Variants in TNRC6A observed in about 807,000 individuals in gnomAD.
TNRC6A encodes the protein trinucleotide repeat-containing gene 6A protein.
A neutral mutation model predicts 221.2 loss-of-function variants in TNRC6A; 44 were observed. That is an observed-to-expected ratio of 0.20 (90% CI 0.16 to 0.26). The LOEUF (loss-of-function observed/expected upper bound fraction) is 0.26, where lower values mean the gene tolerates loss of function less well. Among genes scored for constraint, TNRC6A ranks in the 10% least tolerant of loss-of-function variants. TNRC6A has a pLI of 1.00. For missense variants in TNRC6A, 2,199 were observed against 2,404.4 expected (o/e 0.91, Z 1.79); for synonymous variants, 847 against 838.5 (o/e 1.01, Z -0.18).
chr16:24,750,777 AGAC>A lies in TNRC6A; in HGVS notation c.109_111del (p.Asp37del), dbSNP rs749745776. The A allele has an allele frequency of 1.7e-5, 27 of 1,569,420 alleles. No homozygotes were observed. The highest frequency in any genetic ancestry group is 3.4e-4 in the Middle Eastern group (2 of 5,908). ...TGATGGAAGAAAAGAAAAAGAAAAAAGACGACAAGAAAAAGAAGGAAGCTGCTC... is the reference window on the plus strand; with the variant it reads ...TGATGGAAGAAAAGAAAAAGAAAAAAGACAAGAAAAAGAAGGAAGCTGCTC... On this transcript the variant is annotated inframe_deletion, in exon 3 of 25. Coordinates refer to ENST00000395799, the MANE Select transcript of TNRC6A (RefSeq NM_014494.4).
At position 24,741,177 on chromosome 16, in the gene TNRC6A, C is replaced by T. The variant is rs868844086; in HGVS notation, c.54-9549C>T. 2.0e-5 allele frequency among the ~76,000 whole-genome samples: 3 copies of T among 152,156 alleles called. No homozygotes were observed. In the South Asian group the frequency reaches 6.2e-4, roughly 32 times the overall value. ...ACTCTCTTTTTTCTGACTGGAACCT[C>T]GAGCTCAGTGTCGAATAGGAAGTGG... On this transcript the variant is annotated intron_variant, in intron 2 of 24. Coordinates refer to ENST00000395799, the MANE Select transcript of TNRC6A (RefSeq NM_014494.4).
chr16:24,671,054 G>A, intron 2 of TNRC6A: 1 of 363,896 alleles, frequency 2.7e-6, no homozygotes, highest in Non-Finnish European at 5.7e-6. Context: ...GCAACCCTCC[G>A]ACAGCACTGC....
At chr16:24,718,956 G>A (rs1421534936) in intron 2 of TNRC6A, among the ~76,000 whole-genome samples, 2 of 150,668 alleles carry the variant, frequency 1.3e-5, no homozygotes, top group Non-Finnish European at 2.9e-5. Flanking sequence ...AGAATTGCTT[G>A]AACCCAGGAG....
intron 2 of TNRC6A, among the ~76,000 whole-genome samples, chr16:24,714,299 A>G (rs1481226898): frequency 7.9e-6 from 1 of 126,006 alleles, no homozygotes; most frequent in African/African-American, 3.2e-5. Flanking sequence ...ATTTGCTGTT[A>G]ATCTTTTTTT....
Position 24,818,603 on chromosome 16 carries a change from A to C in TNRC6A, c.4983A>C (p.Ser1661=). The C allele has an allele frequency of 6.2e-7, 1 of 1,613,998 alleles. No individual in the cohort carries two copies. The highest frequency in any genetic ancestry group is 8.5e-7 in the Non-Finnish European group (1 of 1,179,974). Residue 1661 remains serine (S), a synonymous_variant, in exon 21 of 25, where the codon TCA becomes TCC. Coordinates refer to ENST00000395799, the MANE Select transcript of TNRC6A (RefSeq NM_014494.4). ...HLRDRNSGSS[S]SLNTTLPSTS... ...TCTTCCCCCACACAGGGTCATCCTC[A>C]TCCTTGAACACCACGCTGCCTTCAA...
chr16:24,797,055 G>T (rs2058234929), intron 9 of TNRC6A, among the ~76,000 whole-genome samples: 1 of 152,184 alleles, frequency 6.6e-6, no homozygotes, highest in African/African-American at 2.4e-5. Context: ...GATGCATATA[G>T]CATAATTAAA....
intron 1 of TNRC6A, among the ~76,000 whole-genome samples, chr16:24,615,954 A>T (rs1347921458): frequency 6.6e-6 from 1 of 150,822 alleles, no homozygotes; most frequent in African/African-American, 2.4e-5. Context: ...GCACTTCAGG[A>T]GGCCAAGACA....
intron 2 of TNRC6A, among the ~76,000 whole-genome samples, chr16:24,719,840 C>CAAAAA (rs59027857): frequency 9.7e-6 from 1 of 103,012 alleles, no homozygotes; most frequent in African/African-American, 3.4e-5. Context: ...GACCTTGTCT[C>CAAAAA]AAAAAAAAAA....
intron 2 of TNRC6A, among the ~76,000 whole-genome samples, chr16:24,713,445 C>A (rs957276467): frequency 2.1e-3 from 171 of 79,990 alleles, no homozygotes; most frequent in African/African-American, 6.9e-3. Context: ...AACAAACAAA[C>A]AAACAAAAAA....
At chr16:24,706,282 C>T (rs1358025078) in intron 2 of TNRC6A, among the ~76,000 whole-genome samples, 1 of 151,984 alleles carries the variant, frequency 6.6e-6, no homozygotes, top group Non-Finnish European at 1.5e-5. Context: ...GAAGTAGCCT[C>T]ATTGAGTCTA....
At chr16:24,806,987 ATT>A (rs1280675513) in intron 17 of TNRC6A, among the ~76,000 whole-genome samples, 1 of 146,872 alleles carries the variant, frequency 6.8e-6, no homozygotes, top group East Asian at 2.0e-4. Flanking sequence ...GAAAATCACG[ATT>A]TTTCTTTTCT....
chr16:24,794,014 C>T (rs1220864521), intron 7 of TNRC6A, among the ~76,000 whole-genome samples: 1 of 152,094 alleles, frequency 6.6e-6, no homozygotes, highest in East Asian at 1.9e-4. Flanking sequence ...TCAGATGATT[C>T]CCTGAAAGTT....
intron 17 of TNRC6A, among the ~76,000 whole-genome samples, chr16:24,807,784 A>G (rs1222164935): frequency 6.6e-6 from 1 of 151,260 alleles, no homozygotes; most frequent in Non-Finnish European, 1.5e-5. Flanking sequence ...TGCCCTGTTT[A>G]TTTTGCTTTT....
At chr16:24,634,604 G>A (rs1012845770) in intron 1 of TNRC6A, among the ~76,000 whole-genome samples, 6 of 152,214 alleles carry the variant, frequency 3.9e-5, no homozygotes, top group African/African-American at 9.6e-5. Context: ...TTCGGCCATC[G>A]TCTCTATATT....
chr16:24,654,758 C>T (rs1902871520), intron 2 of TNRC6A, among the ~76,000 whole-genome samples: 1 of 151,868 alleles, frequency 6.6e-6, no homozygotes, highest in Non-Finnish European at 1.5e-5. Context: ...AAAAAACACA[C>T]AACAACAGAA....
chr16:24,696,881 C>G (rs1489795831), intron 2 of TNRC6A, among the ~76,000 whole-genome samples: 1 of 151,956 alleles, frequency 6.6e-6, no homozygotes, highest in Non-Finnish European at 1.5e-5. Flanking sequence ...TTCTTTTTGC[C>G]TTGGTCATGG....
chr16:24,612,017 C>A (rs1315921471), intron 1 of TNRC6A, among the ~76,000 whole-genome samples: 1 of 152,084 alleles, frequency 6.6e-6, no homozygotes, highest in African/African-American at 2.4e-5. Context: ...TCGCTTGAGC[C>A]CAGGAGGCAG....
intron 1 of TNRC6A, among the ~76,000 whole-genome samples, chr16:24,635,738 C>A (rs967750514): frequency 6.6e-6 from 1 of 152,160 alleles, no homozygotes; most frequent in African/African-American, 2.4e-5. Context: ...TTGCATAATT[C>A]TCTGAGGTTT....
Position 24,817,684 on chromosome 16 carries a change from T to C in TNRC6A, c.4972+728T>C, listed in dbSNP as rs552916313. On this transcript the variant is annotated intron_variant, in intron 20 of 24. Coordinates refer to ENST00000395799, the MANE Select transcript of TNRC6A (RefSeq NM_014494.4). ...AAATATTAAAAAGTATTTTCTGTCT[T>C]TTTAAAATACCATCTATACCTTTAA... Among the ~76,000 whole-genome samples the C allele has an allele frequency of 2.0e-4, 30 of 152,334 alleles. No individual in the cohort carries two copies. In the South Asian group the frequency reaches 6.2e-3, roughly 32 times the overall value.
Sources: gnomAD v4.1 joint callset for allele counts (sites outside exome capture counted in the v4.1 genomes callset) on GRCh38, gnomAD v4.1.1 for gene constraint, MANE v1.5 for transcripts, NCBI Gene and HGNC (gene_info 2026-07-23, HGNC 2026-07-21) for gene names.